SCN9A: variants seen among roughly 807,000 people sequenced by gnomAD.
The protein encoded by SCN9A is sodium voltage-gated channel alpha subunit 9.
Under a neutral mutation model 187.0 loss-of-function variants are expected in SCN9A, and 131 were observed. The ratio of observed to expected loss-of-function variants is 0.70; its 90% CI spans 0.61 to 0.81. The LOEUF (loss-of-function observed/expected upper bound fraction) is 0.81, where lower values mean the gene tolerates loss of function less well. Ranked by LOEUF, SCN9A falls within the 30% of genes least tolerant of loss-of-function variation. SCN9A has a pLI of 0.00. For missense variants in SCN9A, 2,252 were observed against 2,396.6 expected (o/e 0.94, Z 1.26); for synonymous variants, 809 against 808.6 (o/e 1.00, Z -0.01).
chr2:166,276,932 C>A lies in SCN9A; in HGVS notation c.2874+51G>T. The A allele has an allele frequency of 4.0e-6, 6 of 1,486,948 alleles. 1 individual carries two copies. The South Asian group carries it at 8.0e-5, about 20-fold the overall frequency. The allele number at this position is 1,486,948 out of a possible 1,614,324, so 92.1% of individuals were successfully genotyped here. A position where few individuals can be genotyped will look rare whatever the true frequency, so the allele number is the denominator to read the frequency against. ...ATAAAAATAATAGATCACATCATCACAAAATAATTTCCACAGAGAAATTAA... is the reference window on the plus strand; with the variant it reads ...ATAAAAATAATAGATCACATCATCAAAAAATAATTTCCACAGAGAAATTAA... On this transcript the variant is annotated intron_variant, in intron 16 of 26. Coordinates refer to ENST00000642356, the MANE Select transcript of SCN9A (RefSeq NM_001365536.1).
At position 166,195,390 on chromosome 2, in the gene SCN9A, T is replaced by G. The variant is rs139483482; in HGVS notation, c.*3282A>C. ...TTTTCATGAAGCAATTCTTGATTGT[T>G]TTCCTCAAGAAGATAATAACATAAT... On this transcript the variant is annotated 3_prime_UTR_variant, in exon 27 of 27. Transcript: ENST00000642356. The G allele has an allele frequency of 2.6e-5, 4 of 152,194 alleles. No homozygotes were observed. Among genetic ancestry groups the G allele is most frequent in the Admixed American group, 2.6e-4 (4 of 15,272 alleles). 9.4% of individuals were successfully genotyped at this position (152,194 alleles called of 1,614,324 possible).
rs545244107 is a variant in SCN9A at position 166,227,600 on chromosome 2, T to C, written c.4260+70A>G. 1.8e-5 allele frequency: 16 copies of C among 901,002 alleles called. No homozygotes were observed. The Admixed American group carries it at 1.8e-4, about 10-fold the overall frequency. The allele number at this position is 901,002 out of a possible 1,614,324, so 55.8% of individuals were successfully genotyped here. ...CCCAAGGGCTTCATGAAGTTATAGT[T>C]TGGAAATCACTGAAATAAACTAAGA... On this transcript the variant is annotated intron_variant, in intron 23 of 26. Coordinates refer to ENST00000642356, the MANE Select transcript of SCN9A (RefSeq NM_001365536.1).
rs1390974951 is a variant in SCN9A, at chr2:166,277,072, T to A, written c.2785A>T (p.Ile929Leu). The change falls in exon 16 of 27, where the codon ATA becomes TTA. Residue 929 changes from isoleucine (I) to leucine (L), a missense_variant. Around this residue, in one of 7 missense-constraint regions of SCN9A, gnomAD observed 119 missense variants for 188.7 expected, o/e 0.63. Transcript: ENST00000642356. ...TCCATACAGTCCCACATGGTCTCTA[T>A]CCACTCTCCACACAGCACGCGGAAC... The part of the protein sequence containing the change: ...IVFRVLCGEW[I>L]ETMWDCMEVA... 6.2e-7 allele frequency: 1 copy of A among 1,614,022 alleles called. No individual in the cohort carries two copies. The highest frequency in any genetic ancestry group is 2.2e-5 in the East Asian group (1 of 44,870).
chr2:166,253,124 A>G (rs537714373), intron 17 of SCN9A, among the ~76,000 whole-genome samples: 1 of 152,070 alleles, frequency 6.6e-6, no homozygotes, highest in East Asian at 1.9e-4. Flanking sequence ...CTTGGAAGCT[A>G]GAAGTATTCT....
At chr2:166,293,426 A>G in intron 8 of SCN9A, 54 bp from the exon 9 acceptor site, 1 of 1,456,558 alleles carries the variant, frequency 6.9e-7, no homozygotes, top group Non-Finnish European at 9.2e-7. Flanking sequence ...CACAAGCTAA[A>G]TAGCCTTACT....
At chr2:166,304,386 G>A in intron 5 of SCN9A, 57 bp from the exon 6 acceptor site, 2 of 1,443,272 alleles carry the variant, frequency 1.4e-6, no homozygotes, top group Non-Finnish European at 1.9e-6. Context: ...ATACTTACCT[G>A]AGCCTTTAGT....
chr2:166,256,265 T>C (rs1471144403), intron 17 of SCN9A, among the ~76,000 whole-genome samples: 6 of 151,432 alleles, frequency 4.0e-5, no homozygotes, highest in Non-Finnish European at 7.4e-5. Context: ...TTACTATTAG[T>C]GCTTTTCATC....
chr2:166,344,317 C>A (rs1699852896), intron 1 of SCN9A, among the ~76,000 whole-genome samples: 1 of 151,984 alleles, frequency 6.6e-6, no homozygotes. Flanking sequence ...TTTTTATTAT[C>A]TATTATTTCA....
chr2:166,213,315 A>T (rs997925240), intron 24 of SCN9A, among the ~76,000 whole-genome samples: 1 of 151,676 alleles, frequency 6.6e-6, no homozygotes, highest in Non-Finnish European at 1.5e-5. Flanking sequence ...ATTTTATGGG[A>T]ATAAGAAGGA....
intron 14 of SCN9A, 118 bp downstream of exon 14, chr2:166,280,239 G>A: frequency 1.6e-6 from 1 of 644,494 alleles, no homozygotes; most frequent in African/African-American, 1.8e-5. Context: ...CATATGGAAA[G>A]TTCTGGATAT....
chr2:166,291,663 T>G, intron 9 of SCN9A, among the ~76,000 whole-genome samples: 1 of 152,176 alleles, frequency 6.6e-6, no homozygotes, highest in East Asian at 1.9e-4. Context: ...CCTACCTGAC[T>G]TCAAACTATA....
chr2:166,370,893 A>G (rs904889052), intron 1 of SCN9A, among the ~76,000 whole-genome samples: 1 of 152,140 alleles, frequency 6.6e-6, no homozygotes, highest in African/African-American at 2.4e-5. Flanking sequence ...CACTCTTTCT[A>G]AATTTCCAAG....
Position 166,305,792 on chromosome 2 carries a change from G to A in SCN9A, c.596C>T (p.Ala199Val), listed in dbSNP as rs370472054. 19 of 1,612,960 alleles carry A rather than the reference G, an allele frequency of 1.2e-5. No homozygotes were observed. Among genetic ancestry groups the A allele is most frequent in the African/African-American group, 4.0e-5 (3 of 74,796 alleles). The change falls in exon 5 of 27, where the codon GCG becomes GTG. Residue 199 changes from alanine (A) to valine (V), a missense_variant and splice_region_variant. Coordinates refer to ENST00000642356, the MANE Select transcript of SCN9A (RefSeq NM_001365536.1). ...GTTTCAAAAAGCTGAAAGTACTTAC[G>A]CAAAAACAATGACGACAAAATCCAG... ...NWLDFVVIVFAYLTEFVNLGN... is the reference protein window; with the variant it reads ...NWLDFVVIVFVYLTEFVNLGN...
intron 1 of SCN9A, among the ~76,000 whole-genome samples, chr2:166,356,105 G>T (rs945835091): frequency 6.6e-6 from 1 of 152,080 alleles, no homozygotes; most frequent in Non-Finnish European, 1.5e-5. Context: ...CTGGAGTCTT[G>T]TCTGAGGCTG....
At chr2:166,256,073 C>T (rs965658121) in intron 17 of SCN9A, among the ~76,000 whole-genome samples, 2 of 151,232 alleles carry the variant, frequency 1.3e-5, no homozygotes, top group Admixed American at 6.6e-5. Flanking sequence ...CAATATTTTC[C>T]AAGTTTCCCA....
chr2:166,292,904 G>T (rs148064164), intron 9 of SCN9A, among the ~76,000 whole-genome samples: 12 of 152,210 alleles, frequency 7.9e-5, no homozygotes, highest in African/African-American at 2.9e-4. Flanking sequence ...TCCCAAGCAC[G>T]CATGGAAAAC....
At chr2:166,201,021 T>G (rs1693484512) in intron 26 of SCN9A, among the ~76,000 whole-genome samples, 1 of 152,094 alleles carries the variant, frequency 6.6e-6, no homozygotes, top group Non-Finnish European at 1.5e-5. Flanking sequence ...GGTATAATGT[T>G]CTCTCAAAAT....
At chr2:166,361,318 G>T (rs1434195382) in intron 1 of SCN9A, among the ~76,000 whole-genome samples, 1 of 152,018 alleles carries the variant, frequency 6.6e-6, no homozygotes, top group Non-Finnish European at 1.5e-5. Context: ...TAATAGAAAA[G>T]CTTTTGTATT....
At chr2:166,355,095 GTC>G (rs1181568289) in intron 1 of SCN9A, among the ~76,000 whole-genome samples, 2 of 145,076 alleles carry the variant, frequency 1.4e-5, no homozygotes, top group African/African-American at 2.7e-5. Flanking sequence ...GCACCACTAT[GTC>G]TGGCTAATTT....
Sources: gnomAD v4.1 joint callset for allele counts (sites outside exome capture counted in the v4.1 genomes callset) on GRCh38, gnomAD v4.1.1 for gene constraint, gnomAD v4.1.1 regional missense constraint, MANE v1.5 for transcripts, NCBI Gene and HGNC (gene_info 2026-07-23, HGNC 2026-07-21) for gene names.